MAEA: variants seen among roughly 807,000 people sequenced by gnomAD.
MAEA encodes E3 ubiquitin-protein transferase MAEA.
MAEA carries 22 observed loss-of-function variants against 46.2 expected under a neutral mutation model. That is an observed-to-expected ratio of 0.48 (90% confidence interval 0.34 to 0.68). The LOEUF is 0.68. MAEA is among the 30% of genes least tolerant of loss of function. The pLI is 0.01. For synonymous variants in MAEA, 246 were observed against 222.6 expected (o/e 1.11, Z -0.94); for missense variants, 393 against 558.1 (o/e 0.70, Z 2.98).
rs1415240219 is a variant in MAEA at position 1,289,992 on chromosome 4, TG to T, written c.69+11del. On this transcript the variant is annotated intron_variant, in intron 1 of 8. Transcript: ENST00000303400. ...GTACCCGACCCTCAAGGTGGGCGCC[TG>T]CGCCGCGCAGGCTGAGGGCAGCGAA... 1 of 1,580,384 alleles carries T rather than the reference TG, an allele frequency of 6.3e-7. No homozygotes were observed. The highest frequency in any genetic ancestry group is 8.6e-7 in the Non-Finnish European group (1 of 1,163,622).
At position 1,338,483 on chromosome 4, in the gene MAEA, C is replaced by G; in HGVS notation, c.961C>G (p.Leu321Val). The change falls in exon 8 of 9, where the codon CTG (leucine) becomes GTG (valine). Residue 321 changes from leucine (L) to valine (V), a missense_variant. By Grantham distance (32) the Leu-to-Val change is conservative. This residue lies in a region of MAEA where 358 missense variants were observed against 537.9 expected (regional missense o/e 0.67). Transcript: ENST00000303400. ...TGACTGCCCTGTGTGCAGCCGCTCC[C>G]TGAACAAGCTGGCGCAGCCCCTGCC... ...SPDCPVCSRS[L>V]NKLAQPLPMA... 2 of 1,613,184 alleles carry G rather than the reference C, an allele frequency of 1.2e-6. No individual in the cohort carries two copies. Among genetic ancestry groups the G allele is most frequent in the Non-Finnish European group, 1.7e-6 (2 of 1,180,000 alleles).
At chr4:1,326,428 C>T (rs1247010338) in intron 4 of MAEA, among the ~76,000 whole-genome samples, 2 of 152,214 alleles carry the variant, frequency 1.3e-5, no homozygotes, top group African/African-American at 2.4e-5. Context: ...ACGGACATGT[C>T]ACTTCCGTAG....
rs142040060 is a variant in MAEA at position 1,302,813 on chromosome 4, A to G, written c.70-9166A>G. On this transcript the variant is annotated intron_variant, in intron 1 of 8. Coordinates refer to ENST00000303400, the MANE Select transcript of MAEA (RefSeq NM_001017405.3). ...ATTTTTTAAATGAGCACACAATTTT[A>G]GCAAACTTCTGCAAAGATATACAAA... Among the ~76,000 whole-genome samples, 154 of 152,336 alleles carry G rather than the reference A, an allele frequency of 1.0e-3. 2 individuals are homozygous for G. The East Asian group carries it at 0.028, about 28-fold the overall frequency.
Position 1,338,638 on chromosome 4 carries a change from G to A in MAEA, c.1095+21G>A, listed in dbSNP as rs780818944. On this transcript the variant is annotated intron_variant, in intron 8 of 8. Coordinates refer to ENST00000303400, the MANE Select transcript of MAEA (RefSeq NM_001017405.3). ...ACAATGTGAGGGGGGCAGGGCAGGGGGGCCAGGCTGGCACGCATCGCCATC... is the reference window on the plus strand; with the variant it reads ...ACAATGTGAGGGGGGCAGGGCAGGGAGGCCAGGCTGGCACGCATCGCCATC... The A allele has an allele frequency of 7.6e-6, 12 of 1,579,102 alleles. No homozygotes were observed. In the South Asian group the frequency reaches 1.3e-4, roughly 17 times the overall value.
chr4:1,293,365 T>C (rs2108847297), intron 1 of MAEA, among the ~76,000 whole-genome samples: 1 of 152,246 alleles, frequency 6.6e-6, no homozygotes, highest in African/African-American at 2.4e-5. Flanking sequence ...CCCTCCAGCC[T>C]GGGTGACAGA....
At chr4:1,303,475 G>C (rs1418261208) in intron 1 of MAEA, among the ~76,000 whole-genome samples, 1 of 151,482 alleles carries the variant, frequency 6.6e-6, no homozygotes, top group African/African-American at 2.4e-5. Flanking sequence ...AAACAAATAG[G>C]TATACGAATA....
At chr4:1,332,918 G>A (rs866990860) in intron 6 of MAEA, 53 bp downstream of exon 6, 6 of 1,401,978 alleles carry the variant, frequency 4.3e-6, no homozygotes, top group African/African-American at 4.3e-5. Context: ...GATCCAGGGT[G>A]TGTCTCTGGT....
intron 6 of MAEA, chr4:1,335,182 G>A: frequency 1.0e-6 from 1 of 985,458 alleles, no homozygotes; most frequent in Non-Finnish European, 1.2e-6. Context: ...GTTCTGTGAT[G>A]CTTTAACCTA....
chr4:1,310,216 G>C (rs1736318662), intron 1 of MAEA, among the ~76,000 whole-genome samples: 1 of 152,222 alleles, frequency 6.6e-6, no homozygotes, highest in Admixed American at 6.5e-5. Context: ...GCCGGTGTCG[G>C]GCTGTGGTGT....
intron 2 of MAEA, among the ~76,000 whole-genome samples, chr4:1,313,320 A>T (rs1736746573): frequency 6.6e-6 from 1 of 152,254 alleles, no homozygotes; most frequent in South Asian, 2.1e-4. Context: ...CCTGGGCAAC[A>T]GTGAGACCCT....
intron 6 of MAEA, among the ~76,000 whole-genome samples, chr4:1,333,357 A>AGTT (rs1411400389): frequency 6.7e-6 from 1 of 149,368 alleles, no homozygotes; most frequent in African/African-American, 2.5e-5. Context: ...AAAAAAAAGC[A>AGTT]GTTGAGAAAG....
Position 1,322,943 on chromosome 4 carries a change from C to CCTTT in MAEA, c.579+440_579+441insCTTT, listed in dbSNP as rs1560368750. Among the ~76,000 whole-genome samples, 43 of 75,266 alleles carry CCTTT rather than the reference C, an allele frequency of 5.7e-4. 7 individuals are homozygous for CCTTT. Among genetic ancestry groups the CCTTT allele is most frequent in the Admixed American group, 1.3e-3 (8 of 6,070 alleles). 49.4% of individuals were successfully genotyped at this position (75,266 alleles called of 152,430 possible). ...CTGTGATATTGTTAATGAATACCCACTTTTTTTTTTTTTTTTTTTTTTTTT... is the reference window on the plus strand; with the variant it reads ...CTGTGATATTGTTAATGAATACCCACCTTTTTTTTTTTTTTTTTTTTTTTTTTTT... On this transcript the variant is annotated intron_variant, in intron 4 of 8. Coordinates refer to ENST00000303400, the MANE Select transcript of MAEA (RefSeq NM_001017405.3).
At chr4:1,303,232 C>CAAAAAAAA (rs71168823) in intron 1 of MAEA, among the ~76,000 whole-genome samples, 234 of 65,652 alleles carry the variant, frequency 3.6e-3, no homozygotes, top group East Asian at 7.2e-3. Flanking sequence ...ACTAAAAATA[C>CAAAAAAAA]AAAAAAAAAA....
intron 7 of MAEA, 182 bp downstream of exon 7, chr4:1,337,176 G>T: frequency 1.5e-6 from 1 of 673,658 alleles, no homozygotes; most frequent in South Asian, 1.9e-5. Context: ...AGGGGCCTCG[G>T]ATGCGTCGTG....
At chr4:1,315,272 T>C in intron 2 of MAEA, 125 bp from the exon 3 acceptor site, 4 of 908,610 alleles carry the variant, frequency 4.4e-6, no homozygotes, top group Admixed American at 5.0e-5. Context: ...GCACGGTTTT[T>C]TTTCTGTCCC....
At chr4:1,306,276 T>G (rs2108888841) in intron 1 of MAEA, among the ~76,000 whole-genome samples, 1 of 152,346 alleles carries the variant, frequency 6.6e-6, no homozygotes, top group African/African-American at 2.4e-5. Context: ...CTCATGATGT[T>G]GCACGTCTTC....
At chr4:1,323,380 C>A (rs1465304269) in intron 4 of MAEA, 2 of 659,036 alleles carry the variant, frequency 3.0e-6, no homozygotes, top group African/African-American at 3.6e-5. Flanking sequence ...AACACTTCTG[C>A]CTCCATTAGC....
rs571248810 is a variant in MAEA, at chr4:1,325,065, C to T, written c.579+2562C>T. Among the ~76,000 whole-genome samples the T allele has an allele frequency of 9.3e-4, 142 of 152,248 alleles. 2 individuals carry two copies. The highest frequency in any genetic ancestry group is 1.3e-4 in the Non-Finnish European group (9 of 68,008). ...ATGCCCGGTACGAGATGCGGCCGAG[C>T]CAGTTGGGGTACACGGCTGTCTGTG... On this transcript the variant is annotated intron_variant, in intron 4 of 8. Coordinates refer to ENST00000303400, the MANE Select transcript of MAEA (RefSeq NM_001017405.3).
chr4:1,328,789 TC>T, intron 5 of MAEA: 1 of 1,102,876 alleles, frequency 9.1e-7, no homozygotes, highest in Non-Finnish European at 1.1e-6. Context: ...CTGCTCCGGC[TC>T]CTGATGCTGA....
Sources: allele counts gnomAD v4.1 joint callset (sites outside exome capture counted in the v4.1 genomes callset), GRCh38; gene constraint gnomAD v4.1.1; regional missense constraint gnomAD v4.1.1; transcripts MANE v1.5; gene names NCBI Gene and HGNC (gene_info 2026-07-23, HGNC 2026-07-21).